The following WDCP variants were observed in gnomAD, a reference collection of about 807,000 sequenced individuals.
WDCP encodes the protein WD repeat and coiled-coil-containing protein.
WDCP carries 19 observed loss-of-function variants against 41.6 expected under a neutral mutation model. The ratio of observed to expected loss-of-function variants is 0.46; its 90% CI spans 0.32 to 0.67. WDCP has a LOEUF of 0.67. Ranked by LOEUF, WDCP falls within the 30% of genes least tolerant of loss-of-function variation. The probability of loss-of-function intolerance (pLI) is 0.04; values close to 1 mark genes in which losing one functional copy is unlikely to be tolerated. For missense variants in WDCP, 802 were observed against 850.7 expected (o/e 0.94, Z 0.71); for synonymous variants, 302 against 320.8 (o/e 0.94, Z 0.63).
At chr2:24,042,550 A>AG (rs1328277597) in intron 1 of WDCP, among the ~76,000 whole-genome samples, 2 of 150,938 alleles carry the variant, frequency 1.3e-5, no homozygotes, top group Non-Finnish European at 3.0e-5. Flanking sequence ...AAAAAAAAAA[A>AG]AAAAAAAAAT....
At chr2:24,031,754 A>T (rs1282469998) in intron 3 of WDCP, among the ~76,000 whole-genome samples, 1 of 151,392 alleles carries the variant, frequency 6.6e-6, no homozygotes, top group Non-Finnish European at 1.5e-5. Flanking sequence ...TGAACCCAGG[A>T]GGCGGAGGTT....
intron 1 of WDCP, among the ~76,000 whole-genome samples, chr2:24,045,316 G>A (rs1334472583): frequency 6.6e-6 from 1 of 152,080 alleles, no homozygotes; most frequent in Non-Finnish European, 1.5e-5. Flanking sequence ...AGGAAGGCAG[G>A]GCAGGCTGGG....
Position 24,039,285 on chromosome 2 carries a change from T to C in WDCP, c.210A>G (p.Ala70=). 6.2e-7 allele frequency: 1 copy of C among 1,614,244 alleles called. No individual in the cohort carries two copies. ...VCGLSWAPPV[A]DDTPVLLAVQ... is the part of the protein sequence containing the mutation. ...CAGCGAGTAGAACAGGTGTATCATC[T>C]GCAACAGGTGGGGCCCAGGACAACC... The change falls in exon 2 of 4, where the codon GCA becomes GCG. Residue 70 remains alanine (A), a synonymous_variant. Coordinates refer to ENST00000295148, the MANE Select transcript of WDCP (RefSeq NM_025203.3).
At chr2:24,033,688 C>T (rs1663162877) in intron 2 of WDCP, among the ~76,000 whole-genome samples, 1 of 152,196 alleles carries the variant, frequency 6.6e-6, no homozygotes, top group South Asian at 2.1e-4. Flanking sequence ...TTGCAGTGAG[C>T]TGAGAAGGTG....
intron 1 of WDCP, among the ~76,000 whole-genome samples, chr2:24,045,680 A>G (rs1663600524): frequency 6.7e-6 from 1 of 148,522 alleles, no homozygotes; most frequent in African/African-American, 2.5e-5. Context: ...GGAAGGAAGA[A>G]AGGAAAGGAA....
chr2:24,035,002 T>C (rs1486514221), intron 2 of WDCP, among the ~76,000 whole-genome samples: 2 of 151,532 alleles, frequency 1.3e-5, no homozygotes, highest in Admixed American at 6.6e-5. Flanking sequence ...TTAAAAATAA[T>C]ATATTTTTAT....
intron 2 of WDCP, chr2:24,033,244 G>C: frequency 2.0e-6 from 1 of 502,850 alleles, no homozygotes; most frequent in Non-Finnish European, 4.0e-6. Context: ...CAGCCTGAGA[G>C]ACACAATCTG....
chr2:24,036,153 T>G (rs1376953498), intron 2 of WDCP, among the ~76,000 whole-genome samples: 20 of 150,384 alleles, frequency 1.3e-4, no homozygotes, highest in Admixed American at 1.3e-3. Context: ...AAAAAAAAAT[T>G]AAAACTCTAC....
At chr2:24,033,309 T>A in intron 2 of WDCP, 1 of 354,390 alleles carries the variant, frequency 2.8e-6, no homozygotes, top group Admixed American at 3.9e-5. Context: ...CCTCATGGTT[T>A]ATTAGGAAAA....
At chr2:24,042,409 G>A (rs1021401202) in intron 1 of WDCP, among the ~76,000 whole-genome samples, 4 of 151,998 alleles carry the variant, frequency 2.6e-5, no homozygotes, top group Admixed American at 6.6e-5. Flanking sequence ...GTTGGCGGGC[G>A]CCTGTAGTCC....
rs972036994 is a variant in WDCP, at chr2:24,029,606, T to C, written c.*1327A>G. 1 of 152,244 alleles carries C rather than the reference T, an allele frequency of 6.6e-6. No individual in the cohort carries two copies. Among genetic ancestry groups the C allele is most frequent in the African/African-American group, 2.4e-5 (1 of 41,452 alleles). The allele number at this position is 152,244 out of a possible 1,614,324, so 9.4% of individuals were successfully genotyped here. A position where few individuals can be genotyped will look rare whatever the true frequency, so the allele number is the denominator to read the frequency against. The stretch of plus-strand genomic sequence containing the variant: ...GCTTCCTACCCCAGCAGCTGTCTAG[T>C]GCACTTGAACCACAAAATGGGCCCT... On this transcript the variant is annotated 3_prime_UTR_variant, in exon 4 of 4. Coordinates refer to ENST00000295148, the MANE Select transcript of WDCP (RefSeq NM_025203.3).
chr2:24,032,282 C>A (rs1362274826), intron 3 of WDCP, among the ~76,000 whole-genome samples: 1 of 152,100 alleles, frequency 6.6e-6, no homozygotes, highest in Non-Finnish European at 1.5e-5. Flanking sequence ...TTTGGGAGGC[C>A]GAGGCAGGCG....
At chr2:24,034,280 G>T (rs1663177339) in intron 2 of WDCP, among the ~76,000 whole-genome samples, 1 of 152,136 alleles carries the variant, frequency 6.6e-6, no homozygotes, top group Admixed American at 6.6e-5. Context: ...AATTAGCTGG[G>T]TGTGGTGGTG....
chr2:24,038,771 T>C lies in WDCP; in HGVS notation c.724A>G (p.Asn242Asp), dbSNP rs372031370. 4.3e-6 allele frequency: 7 copies of C among 1,614,188 alleles called. No homozygotes were observed. Among genetic ancestry groups the C allele is most frequent in the East Asian group, 2.2e-5 (1 of 44,894 alleles). ...NASETFNIPP[N>D]SKDMTPYALP... ...GCATACGGAGTCATGTCTTTACTGT[T>C]AGGTGGGATATTAAAGGTTTCAGAT... Residue 242 changes from asparagine (N) to aspartate (D), a missense_variant, in exon 2 of 4, where the codon AAC (asparagine) becomes GAC (aspartate). Around this residue, in one of 5 missense-constraint regions of WDCP, gnomAD observed 247 missense variants for 240.5 expected, o/e 1.03. Coordinates refer to ENST00000295148, the MANE Select transcript of WDCP (RefSeq NM_025203.3).
In WDCP at chr2:24,038,590, CAAAT is replaced by C; in HGVS notation, c.901_904del (p.Ile301ValfsTer2). ...TGTCAAGTAGTCCTTTTTTCTTAGA[CAAAT>C]AAGAGAATTACCCTCAGACTTATGT... On this transcript the variant is annotated frameshift_variant, in exon 2 of 4. Transcript: ENST00000295148. LOFTEE classifies it high-confidence loss of function. 6.2e-7 allele frequency: 1 copy of C among 1,613,798 alleles called. No individual in the cohort carries two copies. The highest frequency in any genetic ancestry group is 8.5e-7 in the Non-Finnish European group (1 of 1,179,888).
Position 24,037,938 on chromosome 2 carries a change from G to A in WDCP, c.1557C>T (p.Thr519=), listed in dbSNP as rs758426886. 6.8e-6 allele frequency: 11 copies of A among 1,614,084 alleles called. No homozygotes were observed. The South Asian group carries it at 1.2e-4, about 18-fold the overall frequency. The change falls in exon 2 of 4, where the codon ACC becomes ACT. Residue 519 remains threonine (T), a synonymous_variant. Transcript: ENST00000295148. Reference sequence around the variant, plus strand: ...TGTGTCTGGGCAGCGATGCTGGCTGGGTAACAGGCTCAGCATCTAGAGCTA... The same window carrying A: ...TGTGTCTGGGCAGCGATGCTGGCTGAGTAACAGGCTCAGCATCTAGAGCTA... ...GSIALDAEPV[T]QPASLPRHSS...
chr2:24,032,378 T>C (rs907277135), intron 3 of WDCP, among the ~76,000 whole-genome samples: 1 of 152,180 alleles, frequency 6.6e-6, no homozygotes, highest in African/African-American at 2.4e-5. Flanking sequence ...AGCGTGCGCC[T>C]GTAGTCCCAG....
chr2:24,037,586 G>T, intron 2 of WDCP, 91 bp downstream of exon 2: 1 of 1,339,246 alleles, frequency 7.5e-7, no homozygotes, highest in Non-Finnish European at 1.0e-6. Flanking sequence ...CTCAGTTAGA[G>T]CACCATCTTC....
Position 24,038,247 on chromosome 2 carries a change from A to G in WDCP, c.1248T>C (p.Ser416=). The change falls in exon 2 of 4, where the codon TCT becomes TCC. Residue 416 remains serine (S), a synonymous_variant. Coordinates refer to ENST00000295148, the MANE Select transcript of WDCP (RefSeq NM_025203.3). ...TAATGGCATACTGATCAGACTTTGA[A>G]GAAGGAAGAAATGTTGTATCAGTGA... ...QKLTDTTFLP[S]SKSDQYAISL... 1 of 1,614,124 alleles carries G rather than the reference A, an allele frequency of 6.2e-7. No homozygotes were observed. The highest frequency in any genetic ancestry group is 1.1e-5 in the South Asian group (1 of 91,080).
Sources: allele counts gnomAD v4.1 joint callset (sites outside exome capture counted in the v4.1 genomes callset), GRCh38; gene constraint gnomAD v4.1.1; regional missense constraint gnomAD v4.1.1; transcripts MANE v1.5; gene names NCBI Gene and HGNC (gene_info 2026-07-23, HGNC 2026-07-21).